CDH13: variants seen among roughly 807,000 people sequenced by gnomAD.
CDH13 encodes the protein cadherin 13.
CDH13 carries 24 observed loss-of-function variants against 63.8 expected under a neutral mutation model. The observed-to-expected ratio is 0.38, with a 90% CI of 0.27 to 0.53. CDH13 has a LOEUF of 0.53. Ranked by LOEUF, CDH13 falls within the 20% of genes least tolerant of loss-of-function variation. CDH13 has a pLI of 0.85. For missense variants in CDH13, 1,049 were observed against 903.1 expected (o/e 1.16, Z -2.07); for synonymous variants, 503 against 355.3 (o/e 1.42, Z -4.67).
At chr16:83,515,361 T>G (rs2074676617) in intron 7 of CDH13, among the ~76,000 whole-genome samples, 1 of 152,250 alleles carries the variant, frequency 6.6e-6, no homozygotes, top group Non-Finnish European at 1.5e-5. Context: ...AACTTTGAAG[T>G]TACTGTCGTT....
At chr16:83,780,323 G>A in intron 12 of CDH13, 122 bp downstream of exon 12, 1 of 649,568 alleles carries the variant, frequency 1.5e-6, no homozygotes. Context: ...TAAGTTATTG[G>A]CATATTATAA....
chr16:83,526,026 C>G (rs1023217823), intron 7 of CDH13, among the ~76,000 whole-genome samples: 28 of 152,162 alleles, frequency 1.8e-4, no homozygotes, highest in Admixed American at 1.8e-3. Context: ...TGTTGGACTT[C>G]TGATCTGCAG....
intron 1 of CDH13, among the ~76,000 whole-genome samples, chr16:82,783,209 C>A (rs1368407591): frequency 2.0e-5 from 3 of 152,318 alleles, no homozygotes; most frequent in South Asian, 4.1e-4. Context: ...CTGCTCAGCT[C>A]CTCCCCTTCA....
At chr16:82,822,112 C>T (rs894599828) in intron 1 of CDH13, among the ~76,000 whole-genome samples, 4 of 152,110 alleles carry the variant, frequency 2.6e-5, no homozygotes, top group African/African-American at 7.2e-5. Flanking sequence ...TTTGCCTCAC[C>T]CCACTGAAAC....
At chr16:83,721,518 T>C (rs1404288850) in intron 10 of CDH13, 3 of 152,212 alleles carry the variant, frequency 2.0e-5, no homozygotes, top group African/African-American at 7.2e-5. Flanking sequence ...TACTCCGCAG[T>C]GGGCAAGACA....
chr16:82,628,127 G>T lies in CDH13; in HGVS notation c.45+990G>T, dbSNP rs547183062. Among the ~76,000 whole-genome samples the T allele has an allele frequency of 2.0e-4, 30 of 152,320 alleles. 1 individual carries two copies. The South Asian group carries it at 6.2e-3, about 32-fold the overall frequency. ...CAGGCCTGGGGTGCTGGCCGCTGCG[G>T]GGGGCACGCCCTGCGCTGCTCAGGG... On this transcript the variant is annotated intron_variant, in intron 1 of 13. Transcript: ENST00000567109.
chr16:83,431,009 T>C (rs1045082212), intron 6 of CDH13, among the ~76,000 whole-genome samples: 3 of 125,320 alleles, frequency 2.4e-5, no homozygotes, highest in Non-Finnish European at 3.2e-5. Context: ...GATGTTCCCC[T>C]TCCTGTGTCC....
chr16:83,011,166 G>A (rs986422780), intron 2 of CDH13, among the ~76,000 whole-genome samples: 2 of 152,160 alleles, frequency 1.3e-5, no homozygotes, highest in Non-Finnish European at 2.9e-5. Flanking sequence ...GAGCTTCGAA[G>A]CCAAGCAGGT....
intron 10 of CDH13, among the ~76,000 whole-genome samples, chr16:83,743,315 A>G (rs142494102): frequency 9.0e-4 from 137 of 152,306 alleles, no homozygotes; most frequent in African/African-American, 3.1e-3. Context: ...AGGAGGAAAA[A>G]GAGTGAGACA....
At chr16:83,664,220 C>T (rs919358819) in intron 8 of CDH13, among the ~76,000 whole-genome samples, 2 of 152,012 alleles carry the variant, frequency 1.3e-5, no homozygotes, top group East Asian at 1.9e-4. Context: ...TGGTGGGTTC[C>T]TGAATATTCT....
At chr16:83,502,438 C>T (rs939046167) in intron 7 of CDH13, among the ~76,000 whole-genome samples, 12 of 152,090 alleles carry the variant, frequency 7.9e-5, no homozygotes, top group African/African-American at 2.9e-4. Flanking sequence ...TGCAGCTCTG[C>T]CCACACCTTG....
chr16:83,218,589 C>G (rs976472749), intron 5 of CDH13, among the ~76,000 whole-genome samples: 9 of 152,182 alleles, frequency 5.9e-5, no homozygotes, highest in Non-Finnish European at 8.8e-5. Context: ...GTAGGAACAA[C>G]CAGCAGCAGA....
intron 3 of CDH13, among the ~76,000 whole-genome samples, chr16:83,045,162 G>C (rs1409914965): frequency 1.3e-5 from 2 of 152,110 alleles, no homozygotes; most frequent in Non-Finnish European, 2.9e-5. Context: ...TCTCAAAGTA[G>C]TTAGCAATAA....
At chr16:83,470,012 T>C (rs2073414702) in intron 6 of CDH13, among the ~76,000 whole-genome samples, 2 of 152,226 alleles carry the variant, frequency 1.3e-5, no homozygotes, top group African/African-American at 4.8e-5. Context: ...CCGTAGTCTC[T>C]GGGTGATACT....
intron 7 of CDH13, among the ~76,000 whole-genome samples, chr16:83,544,982 A>G (rs1324482377): frequency 6.6e-6 from 1 of 152,236 alleles, no homozygotes; most frequent in Non-Finnish European, 1.5e-5. Context: ...CTCTTAGTTA[A>G]TGAGACTTTC....
At chr16:83,262,180 G>A (rs927412724) in intron 5 of CDH13, among the ~76,000 whole-genome samples, 13 of 152,200 alleles carry the variant, frequency 8.5e-5, no homozygotes, top group African/African-American at 3.1e-4. Flanking sequence ...GAGGGTAACA[G>A]CAGGCACCCC....
intron 11 of CDH13, among the ~76,000 whole-genome samples, chr16:83,761,305 G>A (rs1913947514): frequency 6.6e-6 from 1 of 152,188 alleles, no homozygotes; most frequent in Non-Finnish European, 1.5e-5. Flanking sequence ...CAGATGACTT[G>A]AGGAGGAAAA....
chr16:83,398,294 C>G (rs1467328100), intron 6 of CDH13: 8 of 152,230 alleles, frequency 5.3e-5, no homozygotes, highest in African/African-American at 1.9e-4. Flanking sequence ...TTTAAAGGCT[C>G]CAGGGGAGGA....
chr16:83,472,411 A>G (rs2073479562), intron 6 of CDH13, among the ~76,000 whole-genome samples: 1 of 152,220 alleles, frequency 6.6e-6, no homozygotes, highest in Non-Finnish European at 1.5e-5. Flanking sequence ...CCCTAACAAG[A>G]GGCTGGAGAT....
Sources: allele counts gnomAD v4.1 joint callset (sites outside exome capture counted in the v4.1 genomes callset), GRCh38; gene constraint gnomAD v4.1.1; transcripts MANE v1.5; gene names NCBI Gene and HGNC (gene_info 2026-07-23, HGNC 2026-07-21).